The following ITGB4 variants were observed in gnomAD, a reference collection of about 807,000 sequenced individuals.
The protein encoded by ITGB4 is integrin subunit beta 4, also known as integrin beta-4.
ITGB4 carries 159 observed loss-of-function variants against 207.6 expected under a neutral mutation model. The ratio of observed to expected loss-of-function variants is 0.77; its 90% confidence interval spans 0.67 to 0.87. ITGB4 has a LOEUF of 0.87. Among genes scored for constraint, ITGB4 ranks in the 40% least tolerant of loss-of-function variants. ITGB4 has a pLI of 0.00. For synonymous variants in ITGB4, 1,020 were observed against 1,062.7 expected, an observed-to-expected ratio of 0.96 and a Z score of 0.78; for missense variants, 2,278 against 2,546.8, an observed-to-expected ratio of 0.89 and a Z score of 2.27.
At chr17:75,737,682 AG>A in intron 18 of ITGB4, 38 bp downstream of exon 18, 1 of 1,561,924 alleles carries the variant, frequency 6.4e-7, no homozygotes, top group Non-Finnish European at 8.8e-7. Flanking sequence ...CCCACATCCC[AG>A]GGTCCCCACC....
chr17:75,750,266 A>T lies in ITGB4; in HGVS notation c.3472A>T (p.Arg1158Trp). ...LPPSGKPMGY[R>W]VKYWIQGDSE... ...CCCTTCTGGCAAGCCAATGGGGTAC[A>T]GGGTAAGGCGGGGGGCTGAGGGTCA... Residue 1158 changes from arginine to tryptophan, a missense_variant and splice_region_variant, in exon 28 of 40, where the codon AGG (arginine) becomes TGG (tryptophan). By Grantham distance (101) the Arg-to-Trp change is moderately radical. Transcript: ENST00000200181. The surrounding 1 kb of genome is among the most constrained non-coding windows in gnomAD (Gnocchi z 5.5). 1 of 1,609,932 alleles carries T rather than the reference A, an allele frequency of 6.2e-7. No individual in the cohort carries two copies. Among genetic ancestry groups the T allele is most frequent in the East Asian group, 2.2e-5 (1 of 44,794 alleles).
Position 75,736,571 on chromosome 17 carries a change from C to A in ITGB4, c.1867C>A (p.Pro623Thr). 6.3e-7 allele frequency: 1 copy of A among 1,599,628 alleles called. No homozygotes were observed. Among genetic ancestry groups the A allele is most frequent in the Non-Finnish European group, 8.5e-7 (1 of 1,173,642 alleles). The change falls in exon 16 of 40, where the codon CCG (proline) becomes ACG (threonine). Residue 623 changes from proline (P) to threonine (T), a missense_variant. Pro to Thr is a conservative substitution (Grantham distance 38). Transcript: ENST00000200181. ...ICEINYSAIH[P>T]GLCEDLRSCV... ...CCCGCCTTTCCCCGCCAAGATCCAC[C>A]CGGGCCTCTGCGAGGACCTACGCTC...
chr17:75,749,021 A>C lies in ITGB4; in HGVS notation c.3292A>C (p.Thr1098Pro). The part of the protein sequence containing the change: ...FGAHLGQPHS[T>P]TIIIRDPDEL... ...GGCCCACCTGGGCCAGCCCCACTCCACCACCATCATCATCAGGGACCCAGG... is the reference window on the plus strand; with the variant it reads ...GGCCCACCTGGGCCAGCCCCACTCCCCCACCATCATCATCAGGGACCCAGG... The change falls in exon 27 of 40, where the codon ACC becomes CCC. Residue 1098 changes from threonine (T) to proline (P), a missense_variant. Coordinates refer to ENST00000200181, the MANE Select transcript of ITGB4 (RefSeq NM_000213.5). 1 of 1,611,950 alleles carries C rather than the reference A, an allele frequency of 6.2e-7. No homozygotes were observed. Among genetic ancestry groups the C allele is most frequent in the Non-Finnish European group, 8.5e-7 (1 of 1,179,928 alleles).
chr17:75,749,143 C>A, intron 27 of ITGB4, 98 bp downstream of exon 27: 2 of 949,106 alleles, frequency 2.1e-6, no homozygotes, highest in African/African-American at 1.6e-5. Context: ...AAACACAGGA[C>A]GCCCAGGTAA....
rs764525149 is a variant in ITGB4, at chr17:75,757,301, T to C, written c.5320T>C (p.Phe1774Leu). 16 of 1,612,106 alleles carry C rather than the reference T, an allele frequency of 9.9e-6. No homozygotes were observed. The highest frequency in any genetic ancestry group is 1.4e-5 in the Non-Finnish European group (16 of 1,179,936). ...TTTHTSATEP[F>L]LVDGLTLGAQ... ...CACCCACACCAGCGCCACCGAGCCC[T>C]TCCTAGTGGGTGAGCACTGAGGGCT... The change falls in exon 39 of 40, where the codon TTC (phenylalanine) becomes CTC (leucine). Residue 1774 changes from phenylalanine (F) to leucine (L), a missense_variant. By Grantham distance (22) the Phe-to-Leu change is conservative. Coordinates refer to ENST00000200181, the MANE Select transcript of ITGB4 (RefSeq NM_000213.5).
Position 75,754,651 on chromosome 17 carries a change from G to T in ITGB4, c.4394G>T (p.Ser1465Ile). ...TNSLHRMTTT[S>I]AAAYGTHLSP... is the part of the protein sequence containing the mutation. ...TCCCTGCACAGGATGACCACGACCA[G>T]TGCTGCTGCCTATGGCACCCACCTG... Residue 1465 changes from serine to isoleucine, a missense_variant, in exon 34 of 40, where the codon AGT (serine) becomes ATT (isoleucine). By Grantham distance (142) the Ser-to-Ile change is moderately radical (BLOSUM62 -2). Transcript: ENST00000200181. The T allele has an allele frequency of 6.2e-7, 1 of 1,613,990 alleles. No individual in the cohort carries two copies. The highest frequency in any genetic ancestry group is 1.1e-5 in the South Asian group (1 of 91,088).
chr17:75,757,734 C>T lies in ITGB4; in HGVS notation c.*179C>T, dbSNP rs1370330133. ...GGGCAAGGTCCGTCCTCTGTGGGCC[C>T]AAACCTATTTGTAACCAAAGAGCTG... On this transcript the variant is annotated 3_prime_UTR_variant, in exon 40 of 40. Transcript: ENST00000200181. The T allele has an allele frequency of 1.2e-6, 1 of 816,098 alleles. No individual in the cohort carries two copies. Among genetic ancestry groups the T allele is most frequent in the Non-Finnish European group, 2.0e-6 (1 of 503,790 alleles). 50.6% of individuals were successfully genotyped at this position (816,098 alleles called of 1,614,324 possible). A position where few individuals can be genotyped will look rare whatever the true frequency, so the allele number is the denominator to read the frequency against.
chr17:75,741,146 A>G (rs941184300), intron 23 of ITGB4, 141 bp downstream of exon 23: 8 of 941,090 alleles, frequency 8.5e-6, no homozygotes, highest in Non-Finnish European at 1.7e-6. Context: ...TCGGACCTTC[A>G]TTCGTTCCTT....
chr17:75,738,867 A>G (rs1324029747), intron 18 of ITGB4, among the ~76,000 whole-genome samples: 1 of 152,152 alleles, frequency 6.6e-6, no homozygotes, highest in East Asian at 1.9e-4. Flanking sequence ...AGTCCCAGCT[A>G]CTCAGAAAGC....
rs1338129691 is a variant in ITGB4 at position 75,740,149 on chromosome 17, C to A, written c.2446+78C>A. On this transcript the variant is annotated intron_variant, in intron 20 of 39. Transcript: ENST00000200181. The surrounding 1 kb of genome is among the most constrained non-coding windows in gnomAD (Gnocchi z 5.9). ...GTTCCAGATCTGGGATCACAGCATGCCTCTTCTCTGGGTGTGGGGTGCAGG... is the reference window on the plus strand; with the variant it reads ...GTTCCAGATCTGGGATCACAGCATGACTCTTCTCTGGGTGTGGGGTGCAGG... The A allele has an allele frequency of 8.2e-6, 12 of 1,456,314 alleles. No homozygotes were observed. The highest frequency in any genetic ancestry group is 2.0e-5 in the Admixed American group (1 of 50,022). 90.2% of individuals were successfully genotyped at this position (1,456,314 alleles called of 1,614,324 possible). A position where few individuals can be genotyped will look rare whatever the true frequency, so the allele number is the denominator to read the frequency against.
At chr17:75,756,327 T>A in intron 35 of ITGB4, 102 bp from the exon 36 acceptor site, 2 of 1,285,794 alleles carry the variant, frequency 1.6e-6, no homozygotes, top group Non-Finnish European at 2.2e-6. Flanking sequence ...TAGTCCTGGG[T>A]GGGTGATAAC....
chr17:75,752,402 A>G (rs762173884), intron 31 of ITGB4, 44 bp from the exon 32 acceptor site: 2 of 1,532,854 alleles, frequency 1.3e-6, no homozygotes, highest in Non-Finnish European at 1.8e-6. Context: ...GCAGGGGGGC[A>G]GGGGGCAGCA....
chr17:75,726,904 T>G lies in ITGB4; in HGVS notation c.80-291T>G, dbSNP rs531867860. On this transcript the variant is annotated intron_variant, in intron 2 of 39. Coordinates refer to ENST00000200181, the MANE Select transcript of ITGB4 (RefSeq NM_000213.5). Reference sequence around the variant, plus strand: ...CTGGCTAACACGGTGAAACCCTGTCTCTACTAAAAATACAAAAAATTAGCC... The same window carrying G: ...CTGGCTAACACGGTGAAACCCTGTCGCTACTAAAAATACAAAAAATTAGCC... Among the ~76,000 whole-genome samples, 209 of 152,124 alleles carry G rather than the reference T, an allele frequency of 1.4e-3. 1 individual carries two copies. Among genetic ancestry groups the G allele is most frequent in the Non-Finnish European group, 2.5e-3 (171 of 67,988 alleles).
intron 34 of ITGB4, 150 bp downstream of exon 34, chr17:75,754,965 T>C (rs1263325594): frequency 2.1e-5 from 32 of 1,542,202 alleles, no homozygotes; most frequent in East Asian, 6.9e-5. Context: ...TGCACACGCA[T>C]GCACACATGT....
chr17:75,747,145 C>T (rs538119872), intron 26 of ITGB4, among the ~76,000 whole-genome samples: 33 of 152,216 alleles, frequency 2.2e-4, no homozygotes, highest in Non-Finnish European at 4.6e-4. Flanking sequence ...GAGATGTGGA[C>T]ATCTGTATCT....
At position 75,751,066 on chromosome 17, in the gene ITGB4, A is replaced by T; in HGVS notation, c.3748A>T (p.Ile1250Phe). 1 of 1,613,894 alleles carries T rather than the reference A, an allele frequency of 6.2e-7. No homozygotes were observed. Among genetic ancestry groups the T allele is most frequent in the Non-Finnish European group, 8.5e-7 (1 of 1,180,032 alleles). The stretch of plus-strand genomic sequence containing the variant: ...TGAGCCGGCTGAGACCAACGGTGAG[A>T]TCACAGCCTACGAGGTCTGCTATGG... ...WAEPAETNGE[I>F]TAYEVCYGLV... The change falls in exon 30 of 40, where the codon ATC becomes TTC. Residue 1250 changes from isoleucine (I) to phenylalanine (F), a missense_variant. Ile to Phe is a conservative substitution (Grantham distance 21). Transcript: ENST00000200181.
At chr17:75,747,113 T>C (rs1002533848) in intron 26 of ITGB4, among the ~76,000 whole-genome samples, 1 of 152,148 alleles carries the variant, frequency 6.6e-6, no homozygotes, top group Non-Finnish European at 1.5e-5. Flanking sequence ...TCTATATAGA[T>C]AGCAACATAG....
At chr17:75,745,008 G>A (rs1007011013) in intron 26 of ITGB4, among the ~76,000 whole-genome samples, 2 of 151,862 alleles carry the variant, frequency 1.3e-5, no homozygotes, top group African/African-American at 2.4e-5. Context: ...CAAGTGATCC[G>A]CCCACCTCGG....
intron 26 of ITGB4, among the ~76,000 whole-genome samples, chr17:75,744,810 G>A (rs1205796741): frequency 6.6e-6 from 1 of 151,832 alleles, no homozygotes; most frequent in Non-Finnish European, 1.5e-5. Flanking sequence ...TTAATTTTTG[G>A]GGGAGACAGG....
Sources: gnomAD v4.1 joint callset for allele counts (sites outside exome capture counted in the v4.1 genomes callset) on GRCh38, gnomAD v4.1.1 for gene constraint, Gnocchi (gnomAD v3.1) non-coding constraint, MANE v1.5 for transcripts, NCBI Gene and HGNC (gene_info 2026-07-23, HGNC 2026-07-21) for gene names.